PI4KA: variants seen among roughly 807,000 people sequenced by gnomAD.
The protein encoded by PI4KA is PI4-kinase alpha.
PI4KA carries 122 observed loss-of-function variants against 271.4 expected under a neutral mutation model. The ratio of observed to expected loss-of-function variants is 0.45; its 90% CI spans 0.39 to 0.52. PI4KA has a LOEUF of 0.52. Ranked by LOEUF, PI4KA falls within the 20% of genes least tolerant of loss-of-function variation. PI4KA has a pLI of 0.00. For missense variants in PI4KA, 1,969 were observed against 2,769.1 expected, an observed-to-expected ratio of 0.71 and a Z score of 6.48; for synonymous variants, 1,041 against 1,078.8, an observed-to-expected ratio of 0.96 and a Z score of 0.69.
chr22:20,711,612 C>A, intron 50 of PI4KA, 151 bp from the exon 51 acceptor site: 1 of 812,738 alleles, frequency 1.2e-6, no homozygotes, highest in Non-Finnish European at 2.0e-6. Flanking sequence ...AGCCAGTCTT[C>A]GGTAGCAGGA....
chr22:20,736,635 C>CA (rs1196162139), intron 32 of PI4KA: 1 of 154,680 alleles, frequency 6.5e-6, no homozygotes, highest in Non-Finnish European at 1.4e-5. Flanking sequence ...TCTGAGCAGA[C>CA]AGAAGGACCT....
intron 23 of PI4KA, among the ~76,000 whole-genome samples, chr22:20,760,326 C>T (rs9624782): frequency 0.029 from 4,398 of 152,222 alleles, 204 homozygotes; most frequent in African/African-American, 0.099. Flanking sequence ...AACATTTCAG[C>T]ATATTTTAAA....
rs1014539606 is a variant in PI4KA, at chr22:20,795,679, T to C, written c.2277+467A>G. Among the ~76,000 whole-genome samples the C allele has an allele frequency of 2.0e-5, 3 of 152,108 alleles. No homozygotes were observed. In the South Asian group the frequency reaches 6.2e-4, roughly 32 times the overall value. On this transcript the variant is annotated intron_variant, in intron 18 of 54. Transcript: ENST00000255882. ...TCACCTGCCTCGGCCCCACCATGAA[T>C]GTATTTGGGGATTCAAGACATGACG... is the stretch of plus-strand genomic sequence containing the variant.
intron 32 of PI4KA, among the ~76,000 whole-genome samples, chr22:20,741,163 C>A (rs1453836317): frequency 6.6e-6 from 1 of 152,174 alleles, no homozygotes; most frequent in African/African-American, 2.4e-5. Flanking sequence ...AATTGGGTGT[C>A]ATAATGGCAG....
intron 19 of PI4KA, chr22:20,779,800 G>A (rs1188993674): frequency 1.9e-6 from 3 of 1,614,086 alleles, no homozygotes; most frequent in Admixed American, 1.7e-5. Context: ...ACTGCGATGG[G>A]TATGATTTCC....
At chr22:20,810,791 C>T (rs1935958325) in intron 9 of PI4KA, among the ~76,000 whole-genome samples, 176 bp downstream of exon 9, 4 of 152,178 alleles carry the variant, frequency 2.6e-5, no homozygotes, top group South Asian at 2.1e-4. Context: ...GAGCATGCAA[C>T]GGTACCTACC....
intron 42 of PI4KA, 65 bp from the exon 43 acceptor site, chr22:20,721,483 A>G: frequency 6.4e-7 from 1 of 1,572,812 alleles, no homozygotes; most frequent in Non-Finnish European, 8.7e-7. Context: ...CCTTGTCAGC[A>G]GCTGCTGACT....
chr22:20,798,658 G>A lies in PI4KA; in HGVS notation c.2034C>T (p.Leu678=), dbSNP rs746420332. 46 of 1,613,642 alleles carry A rather than the reference G, an allele frequency of 2.9e-5. No homozygotes were observed. Among genetic ancestry groups the A allele is most frequent in the Non-Finnish European group, 3.7e-5 (44 of 1,179,516 alleles). ...TGGCCTTCACACTGATCTGCTGGAA[G>A]AGGTTCCACACTTCCTGATAGATGT... ...NQYIYQEVWN[L]FQQISVKASS... The change falls in exon 17 of 55, where the codon CTC becomes CTT. Residue 678 remains leucine, a synonymous_variant. Transcript: ENST00000255882.
At chr22:20,819,586 G>C in intron 6 of PI4KA, 55 bp downstream of exon 6, 1 of 1,519,294 alleles carries the variant, frequency 6.6e-7, no homozygotes, top group Non-Finnish European at 8.9e-7. Context: ...TTTCTTCGCA[G>C]GGGAGCTTAA....
rs1196728289 is a variant in PI4KA, at chr22:20,732,679, G to A, written c.4288+292C>T. On this transcript the variant is annotated intron_variant, in intron 36 of 54. Coordinates refer to ENST00000255882, the MANE Select transcript of PI4KA (RefSeq NM_058004.4). ...ACCAGCCTCAGCCCAATCCTGGGCCGTCAGCTGCTCAGAGGGGTGTGTGAA... is the reference window on the plus strand; with the variant it reads ...ACCAGCCTCAGCCCAATCCTGGGCCATCAGCTGCTCAGAGGGGTGTGTGAA... 2.0e-5 allele frequency among the ~76,000 whole-genome samples: 3 copies of A among 152,322 alleles called. No individual in the cohort carries two copies. In the East Asian group the frequency reaches 5.8e-4, roughly 29 times the overall value.
At chr22:20,848,171 G>A (rs1926505671) in intron 1 of PI4KA, among the ~76,000 whole-genome samples, 1 of 150,418 alleles carries the variant, frequency 6.6e-6, no homozygotes, top group South Asian at 2.1e-4. Flanking sequence ...CCAGGAGGCG[G>A]AGGTTGCAGT....
intron 43 of PI4KA, among the ~76,000 whole-genome samples, chr22:20,719,353 C>G (rs1334050060): frequency 2.6e-5 from 4 of 151,254 alleles, no homozygotes; most frequent in African/African-American, 7.3e-5. Flanking sequence ...CTCAAGAGAT[C>G]CTCCTGTCTC....
At chr22:20,788,059 A>G (rs1188673317) in intron 19 of PI4KA, among the ~76,000 whole-genome samples, 1 of 152,170 alleles carries the variant, frequency 6.6e-6, no homozygotes, top group Non-Finnish European at 1.5e-5. Flanking sequence ...GGATCCTTCA[A>G]TCCCTGGGTA....
In PI4KA at chr22:20,761,302, A is replaced by G; in HGVS notation, c.2791+2T>C. Reference sequence around the variant, plus strand: ...ATGAAAGCACCATAATAATGAGCTTACCAGATTTGTCTTTCTGAATAGCTT... The same window carrying G: ...ATGAAAGCACCATAATAATGAGCTTGCCAGATTTGTCTTTCTGAATAGCTT... On this transcript the variant is annotated splice_donor_variant, in intron 23 of 54. Transcript: ENST00000255882. LOFTEE classifies it high-confidence loss of function. 1 of 1,567,880 alleles carries G rather than the reference A, an allele frequency of 6.4e-7. No individual in the cohort carries two copies. Among genetic ancestry groups the G allele is most frequent in the Non-Finnish European group, 8.8e-7 (1 of 1,137,828 alleles).
At chr22:20,757,362 C>T (rs1437599458) in intron 23 of PI4KA, among the ~76,000 whole-genome samples, 1 of 152,062 alleles carries the variant, frequency 6.6e-6, no homozygotes, top group Non-Finnish European at 1.5e-5. Context: ...ATGAAAATCG[C>T]TTTATTTTGA....
At chr22:20,762,308 G>A (rs115324056) in intron 22 of PI4KA, among the ~76,000 whole-genome samples, 170 of 152,272 alleles carry the variant, frequency 1.1e-3, no homozygotes, top group African/African-American at 3.7e-3. Context: ...GAGTGTGCAC[G>A]TGCACACACC....
chr22:20,793,991 C>A (rs1601513974), intron 18 of PI4KA, among the ~76,000 whole-genome samples: 1 of 152,254 alleles, frequency 6.6e-6, no homozygotes, highest in Non-Finnish European at 1.5e-5. Flanking sequence ...GCACTAACTT[C>A]TGGGACGATT....
intron 19 of PI4KA, among the ~76,000 whole-genome samples, chr22:20,770,568 A>C: frequency 8.3e-6 from 1 of 120,926 alleles, no homozygotes; most frequent in African/African-American, 3.3e-5. Context: ...ATGTTGCCCA[A>C]GCTGGACACG....
chr22:20,766,470 C>A (rs1351376623), intron 19 of PI4KA, among the ~76,000 whole-genome samples: 1 of 152,144 alleles, frequency 6.6e-6, no homozygotes, highest in Non-Finnish European at 1.5e-5. Context: ...TCAAGACCAG[C>A]CTGGCCAACA....
Sources: gnomAD v4.1 joint callset for allele counts (sites outside exome capture counted in the v4.1 genomes callset) on GRCh38, gnomAD v4.1.1 for gene constraint, MANE v1.5 for transcripts, NCBI Gene and HGNC (gene_info 2026-07-23, HGNC 2026-07-21) for gene names.